Variants in TGIF1 observed in about 807,000 individuals in gnomAD.
The protein encoded by TGIF1 is TGFB induced factor homeobox 1.
Under a neutral mutation model 19.3 loss-of-function variants are expected in TGIF1, and 4 were observed. The observed-to-expected ratio is 0.21, with a 90% CI of 0.10 to 0.47. TGIF1 has a LOEUF of 0.47. TGIF1 is among the 20% of genes least tolerant of loss of function. The probability of loss-of-function intolerance (pLI) is 0.98; values close to 1 mark genes in which losing one functional copy is unlikely to be tolerated. For synonymous variants in TGIF1, 122 were observed against 129.3 expected, an observed-to-expected ratio of 0.94 and a Z score of 0.38; for missense variants, 275 against 341.4, an observed-to-expected ratio of 0.81 and a Z score of 1.53.
intron 2 of TGIF1, among the ~76,000 whole-genome samples, chr18:3,433,417 A>G (rs149123023): frequency 1.2e-4 from 19 of 152,332 alleles, no homozygotes; most frequent in African/African-American, 3.1e-4. Flanking sequence ...AAGATTAAAA[A>G]TTACAAGACG....
intron 2 of TGIF1, among the ~76,000 whole-genome samples, chr18:3,442,002 C>T (rs1400224565): frequency 6.6e-6 from 1 of 152,156 alleles, no homozygotes; most frequent in Non-Finnish European, 1.5e-5. Context: ...GGCATTGTTT[C>T]ATCAATTAAA....
intron 1 of TGIF1, among the ~76,000 whole-genome samples, chr18:3,416,329 G>C (rs765550249): frequency 6.6e-6 from 1 of 151,912 alleles, no homozygotes; most frequent in Non-Finnish European, 1.5e-5. Flanking sequence ...AGACCAGCTG[G>C]ACAACATGAT....
intron 2 of TGIF1, among the ~76,000 whole-genome samples, chr18:3,419,470 A>T (rs1044253596): frequency 3.9e-5 from 6 of 152,226 alleles, no homozygotes; most frequent in African/African-American, 1.4e-4. Context: ...GTATTAGGTC[A>T]GGAGAATGCT....
upstream of TGIF1, chr18:3,448,713 GTGTCTTTT>G: frequency 1.5e-6 from 1 of 689,034 alleles, no homozygotes; most frequent in Non-Finnish European, 1.7e-6. Context: ...AGGGGCGGGG[GTGTCTTTT>G]TTTTTTTTTT....
At chr18:3,450,742 A>G (rs2082887660) in intron 1 of TGIF1, among the ~76,000 whole-genome samples, 1 of 152,212 alleles carries the variant, frequency 6.6e-6, no homozygotes, top group African/African-American at 2.4e-5. Flanking sequence ...CACGTTGTCA[A>G]GAAACACGCT....
chr18:3,441,834 CTTCT>C (rs1325960149), intron 2 of TGIF1, among the ~76,000 whole-genome samples: 12 of 152,106 alleles, frequency 7.9e-5, no homozygotes, highest in Admixed American at 5.9e-4. Flanking sequence ...CTTATTGTTT[CTTCT>C]TTATTATTTC....
At chr18:3,443,995 C>T (rs1598882493) in intron 2 of TGIF1, among the ~76,000 whole-genome samples, 1 of 149,278 alleles carries the variant, frequency 6.7e-6, no homozygotes, top group African/African-American at 2.5e-5. Flanking sequence ...ACTGCAGTGG[C>T]ACGATCTCGG....
In TGIF1 at chr18:3,457,315, G is replaced by A. The variant is rs371284121; in HGVS notation, c.244-50G>A. On this transcript the variant is annotated intron_variant, in intron 2 of 2. Transcript: ENST00000343820. This position sits in a 1 kb window ranked among gnomAD's most constrained non-coding sequence, Gnocchi z 4.9. The stretch of plus-strand genomic sequence containing the variant: ...ACCCCATAGAACATTCTCAGAACCC[G>A]TTGGCTGAGTGAATGAGGAAAATGT... The A allele has an allele frequency of 1.3e-5, 20 of 1,592,338 alleles. No homozygotes were observed. The highest frequency in any genetic ancestry group is 3.3e-5 in the South Asian group (3 of 89,594).
At chr18:3,412,695 C>G (rs1171155414) in intron 1 of TGIF1, among the ~76,000 whole-genome samples, 5 of 152,216 alleles carry the variant, frequency 3.3e-5, no homozygotes, top group African/African-American at 1.2e-4. Context: ...TTCCTTATAT[C>G]GAGTGGCATG....
At chr18:3,424,596 G>T (rs2082445408) in intron 2 of TGIF1, among the ~76,000 whole-genome samples, 2 of 141,502 alleles carry the variant, frequency 1.4e-5, no homozygotes, top group Admixed American at 1.4e-4. Flanking sequence ...GGGTGGGTGG[G>T]TAGGGGCTAC....
intron 1 of TGIF1, chr18:3,415,252 G>A (rs2082317554): frequency 3.7e-6 from 1 of 269,514 alleles, no homozygotes; most frequent in Non-Finnish European, 7.7e-6. Flanking sequence ...CCTGGCCCCT[G>A]TGGACACCAA....
chr18:3,426,584 T>C (rs1014472998), intron 2 of TGIF1, among the ~76,000 whole-genome samples: 1 of 152,186 alleles, frequency 6.6e-6, no homozygotes, highest in Non-Finnish European at 1.5e-5. Context: ...CTGTCTTCCA[T>C]ATTTGTATTT....
In TGIF1 at chr18:3,458,198, CAT is replaced by C; in HGVS notation, c.*259_*260del. The C allele has an allele frequency of 2.2e-6, 1 of 444,664 alleles. No individual in the cohort carries two copies. Among genetic ancestry groups the C allele is most frequent in the South Asian group, 2.8e-5 (1 of 35,570 alleles). 27.5% of individuals were successfully genotyped at this position (444,664 alleles called of 1,614,324 possible). ...CATAATGTGAGATGGTTCCCAATATCATGTGATTTTTTTTTTCCTCCCCTTCC... is the reference window on the plus strand; with the variant it reads ...CATAATGTGAGATGGTTCCCAATATCGTGATTTTTTTTTTCCTCCCCTTCC... On this transcript the variant is annotated 3_prime_UTR_variant, in exon 3 of 3. Coordinates refer to ENST00000343820, the MANE Select transcript of TGIF1 (RefSeq NM_003244.4).
intron 1 of TGIF1, chr18:3,453,730 C>T (rs945345113): frequency 2.2e-5 from 17 of 759,544 alleles, no homozygotes; most frequent in Non-Finnish European, 2.7e-5. Context: ...AACAAGGTCG[C>T]TGCTTAGGGC....
chr18:3,457,442 G>A lies in TGIF1; in HGVS notation c.321G>A (p.Gln107=), dbSNP rs550170411. Residue 107 remains glutamine, a synonymous_variant, in exon 3 of 3, where the codon CAG becomes CAA. Transcript: ENST00000343820. This position sits in a 1 kb window ranked among gnomAD's most constrained non-coding sequence, Gnocchi z 4.9. ...GAAAGGATGGCAAAGATCCAAATCAGTTCACAATTTCCCGCCGTGGGGCCA... is the reference window on the plus strand; with the variant it reads ...GAAAGGATGGCAAAGATCCAAATCAATTCACAATTTCCCGCCGTGGGGCCA... The part of the protein sequence containing the change: ...MLRKDGKDPN[Q]FTISRRGAKI... 4.3e-6 allele frequency: 7 copies of A among 1,614,186 alleles called. No homozygotes were observed. Among genetic ancestry groups the A allele is most frequent in the Non-Finnish European group, 5.9e-6 (7 of 1,180,034 alleles).
At chr18:3,431,926 C>T (rs533421380) in intron 2 of TGIF1, among the ~76,000 whole-genome samples, 2 of 152,028 alleles carry the variant, frequency 1.3e-5, no homozygotes, top group African/African-American at 4.8e-5. Flanking sequence ...GTCAAGAGAT[C>T]GAGACTATCC....
In TGIF1 at chr18:3,456,643, T is replaced by G. The variant is rs1424209293; in HGVS notation, c.243+63T>G. On this transcript the variant is annotated intron_variant, in intron 2 of 2. Coordinates refer to ENST00000343820, the MANE Select transcript of TGIF1 (RefSeq NM_003244.4). This position sits in a 1 kb window ranked among gnomAD's most constrained non-coding sequence, Gnocchi z 4.2. ...TAGTTTCAAAGTCATTTTATGGCAT[T>G]CCTGTGTGTCAAGTCATTAAGCTCC... 6.9e-7 allele frequency: 1 copy of G among 1,443,888 alleles called. No homozygotes were observed. The highest frequency in any genetic ancestry group is 1.1e-5 in the South Asian group (1 of 87,688). The allele number at this position is 1,443,888 out of a possible 1,614,324, so 89.4% of individuals were successfully genotyped here.
intron 1 of TGIF1, chr18:3,452,111 G>A (rs1429557407): frequency 6.2e-7 from 1 of 1,613,680 alleles, no homozygotes; most frequent in African/African-American, 1.3e-5. Flanking sequence ...CCTTTTCCAC[G>A]GCTTTTCTGG....
At chr18:3,446,796 A>G (rs536698161), upstream of TGIF1, among the ~76,000 whole-genome samples, 2 of 152,326 alleles carry the variant, frequency 1.3e-5, no homozygotes, top group African/African-American at 4.8e-5. Context: ...CCTCTTGTCC[A>G]GTGTTTAGAG....
Sources: allele counts gnomAD v4.1 joint callset (sites outside exome capture counted in the v4.1 genomes callset), GRCh38; gene constraint gnomAD v4.1.1; non-coding constraint Gnocchi (gnomAD v3.1); transcripts MANE v1.5; gene names NCBI Gene and HGNC (gene_info 2026-07-23, HGNC 2026-07-21).